Variants in FANCB observed in about 807,000 individuals in gnomAD.
FANCB encodes the protein FA complementation group B, also known as Fanconi anemia group B protein.
In FANCB, 5 loss-of-function variants were observed where a neutral mutation model predicts 38.9. The ratio of observed to expected loss-of-function variants is 0.13; its 90% confidence interval spans 0.07 to 0.27. The LOEUF (loss-of-function observed/expected upper bound fraction) is 0.27. Ranked by LOEUF, FANCB falls within the 10% of genes least tolerant of loss-of-function variation. FANCB has a pLI of 1.00. For missense variants in FANCB, 573 were observed against 602.7 expected (o/e 0.95, Z 0.52); for synonymous variants, 236 against 215.4 (o/e 1.10, Z -0.84).
chrX:14,841,695 A>C (rs775733255), downstream of FANCB, among the ~76,000 whole-genome samples: 2 of 111,997 alleles, frequency 1.8e-5, no homozygotes, highest in South Asian at 7.4e-4. Context: ...GGGGAGTCTC[A>C]GAGTCGTGAC....
the FANCB span, among the ~76,000 whole-genome samples, chrX:14,719,792 CAACATACATATCCATCAACAGAT>C: frequency 8.9e-6 from 1 of 111,890 alleles, no homozygotes; most frequent in Non-Finnish European, 1.9e-5. Flanking sequence ...GACATAAAAT[CAACATACATATCCATCAACAGAT>C]AAATGGATAA....
chrX:14,745,902 G>A, the FANCB span, among the ~76,000 whole-genome samples: 1,543 of 108,229 alleles, frequency 0.014, 25 homozygotes, highest in African/African-American at 0.042. Context: ...AGGTTTCACC[G>A]TGTTAGCCAG....
the FANCB span, among the ~76,000 whole-genome samples, chrX:14,780,215 C>T: frequency 2.7e-5 from 3 of 111,060 alleles, no homozygotes; most frequent in East Asian, 8.4e-4. Context: ...AGGAAAACTA[C>T]TCGGTATGTC....
the FANCB span, among the ~76,000 whole-genome samples, chrX:14,809,806 T>C: frequency 1.8e-5 from 2 of 112,583 alleles, no homozygotes; most frequent in South Asian, 7.4e-4. Flanking sequence ...AATGTCCCTG[T>C]CTGACAGCTT....
At chrX:14,851,861 A>G (rs1049922418) in intron 6 of FANCB, among the ~76,000 whole-genome samples, 4 of 112,000 alleles carry the variant, frequency 3.6e-5, no homozygotes, top group East Asian at 2.8e-4. Flanking sequence ...GTTTTATTAC[A>G]TTAACAAGAT....
chrX:14,832,051 C>T (rs941386505), downstream of FANCB, among the ~76,000 whole-genome samples: 2 of 111,780 alleles, frequency 1.8e-5, no homozygotes, highest in African/African-American at 3.3e-5. Flanking sequence ...CCAACATACA[C>T]TTGATTTTCT....
chrX:14,823,833 C>A, the FANCB span, among the ~76,000 whole-genome samples: 1 of 111,459 alleles, frequency 9.0e-6, no homozygotes, highest in Admixed American at 9.5e-5. Flanking sequence ...CTAGTTAACA[C>A]CTCCCCCAGT....
chrX:14,757,099 C>G, the FANCB span, among the ~76,000 whole-genome samples: 1 of 112,081 alleles, frequency 8.9e-6, no homozygotes, highest in African/African-American at 3.3e-5. Flanking sequence ...GAGAGGGGAA[C>G]TCTTATACAC....
At chrX:14,798,436 A>G in the FANCB span, among the ~76,000 whole-genome samples, 1 of 112,207 alleles carries the variant, frequency 8.9e-6, no homozygotes, top group Non-Finnish European at 1.9e-5. Flanking sequence ...TGCTGGGATT[A>G]CAGGCGTGAG....
At chrX:14,809,326 G>A in the FANCB span, among the ~76,000 whole-genome samples, 2 of 112,368 alleles carry the variant, frequency 1.8e-5, no homozygotes, top group Non-Finnish European at 3.8e-5. Context: ...CAGACAGTGG[G>A]TGCAGGACAG....
At chrX:14,779,643 A>AGTGTGGTGGTGG in the FANCB span, among the ~76,000 whole-genome samples, 1 of 110,713 alleles carries the variant, frequency 9.0e-6, no homozygotes, top group African/African-American at 3.4e-5. Flanking sequence ...AACTGTGAAA[A>AGTGTGGTGGTGG]ATAAATTTCT....
chrX:14,800,550 G>T, the FANCB span, among the ~76,000 whole-genome samples: 1 of 111,623 alleles, frequency 9.0e-6, no homozygotes, highest in Admixed American at 9.5e-5. Context: ...AATTTCTATT[G>T]TTTTAAACCA....
At chrX:14,857,809 C>T in intron 5 of FANCB, 53 bp downstream of exon 5, 1 of 834,017 alleles carries the variant, frequency 1.2e-6, no homozygotes, top group African/African-American at 2.0e-5. Flanking sequence ...ATGTTCTTTC[C>T]TTCATTTAGA....
intron 2 of FANCB, among the ~76,000 whole-genome samples, chrX:14,867,556 C>T (rs901978778): frequency 9.0e-6 from 1 of 111,032 alleles, no homozygotes; most frequent in Non-Finnish European, 1.9e-5. Context: ...ACTCCTACCT[C>T]TCACCATATA....
intron 1 of FANCB, among the ~76,000 whole-genome samples, chrX:14,869,432 C>T (rs1472360931): frequency 9.0e-6 from 1 of 111,681 alleles, no homozygotes; most frequent in Non-Finnish European, 1.9e-5. Flanking sequence ...TAAATGTCAT[C>T]ATCAAGTTCC....
At chrX:14,727,442 C>T in the FANCB span, among the ~76,000 whole-genome samples, 5 of 112,075 alleles carry the variant, frequency 4.5e-5, no homozygotes, top group Non-Finnish European at 9.4e-5. Flanking sequence ...CAACTGGCAT[C>T]ATTTCTACTT....
the FANCB span, among the ~76,000 whole-genome samples, chrX:14,788,359 T>C: frequency 3.6e-5 from 4 of 111,177 alleles, no homozygotes; most frequent in East Asian, 8.5e-4. Context: ...ACATCCAAGG[T>C]AGGGGCACTG....
chrX:14,809,059 T>C, the FANCB span, among the ~76,000 whole-genome samples: 32 of 112,407 alleles, frequency 2.8e-4, no homozygotes, highest in East Asian at 8.7e-3. Context: ...TGGAAAAATA[T>C]TCCATGTTCA....
the FANCB span, among the ~76,000 whole-genome samples, chrX:14,732,047 C>G: frequency 8.2e-5 from 9 of 110,034 alleles, no homozygotes; most frequent in East Asian, 1.7e-3. Flanking sequence ...CCCGACCCCC[C>G]CGACAGGCCC....
Sources: gnomAD v4.1 joint callset for allele counts (sites outside exome capture counted in the v4.1 genomes callset) on GRCh38, gnomAD v4.1.1 for gene constraint, MANE v1.5 for transcripts, NCBI Gene and HGNC (gene_info 2026-07-23, HGNC 2026-07-21) for gene names.